Variants in MOB3B observed in about 807,000 individuals in gnomAD.
MOB3B encodes the protein MOB kinase activator 3B.
In MOB3B, 7 loss-of-function variants were observed where a neutral mutation model predicts 18.7. The observed-to-expected ratio is 0.37, with a 90% confidence interval of 0.21 to 0.70. MOB3B has a LOEUF of 0.70. Among genes scored for constraint, MOB3B ranks in the 30% least tolerant of loss-of-function variants. The pLI is 0.52. For missense variants in MOB3B, 253 were observed against 281.3 expected, an observed-to-expected ratio of 0.90 and a Z score of 0.72; for synonymous variants, 111 against 99.9, an observed-to-expected ratio of 1.11 and a Z score of -0.66.
rs186229664 is a variant in MOB3B, at chr9:27,330,513, G to A, written c.*74C>T. ...GAGTAGGTGTGTCATTTCAGCCAGGGTGGTCCACCTCCTGCCCGCTCAGGG... is the reference window on the plus strand; with the variant it reads ...GAGTAGGTGTGTCATTTCAGCCAGGATGGTCCACCTCCTGCCCGCTCAGGG... On this transcript the variant is annotated 3_prime_UTR_variant, in exon 4 of 4. Coordinates refer to ENST00000262244, the MANE Select transcript of MOB3B (RefSeq NM_024761.5). 3.1e-6 allele frequency: 5 copies of A among 1,604,712 alleles called. No individual in the cohort carries two copies. The highest frequency in any genetic ancestry group is 1.8e-4 in the Middle Eastern group (1 of 5,662).
In MOB3B at chr9:27,485,083, A is replaced by G. The variant is rs1022845597; in HGVS notation, c.-198-29335T>C. ...TGGCCAGATGGACAGTTTCAGCTGGATGTCTCAAGGGCATCCAGTCCATAT... is the reference window on the plus strand; with the variant it reads ...TGGCCAGATGGACAGTTTCAGCTGGGTGTCTCAAGGGCATCCAGTCCATAT... On this transcript the variant is annotated intron_variant, in intron 1 of 3. Transcript: ENST00000262244. 5.0e-4 allele frequency among the ~76,000 whole-genome samples: 76 copies of G among 152,326 alleles called. 1 individual carries two copies. The highest frequency in any genetic ancestry group is 1.8e-3 in the African/African-American group (76 of 41,572).
chr9:27,427,004 T>C (rs1822344582), intron 2 of MOB3B, among the ~76,000 whole-genome samples: 1 of 152,170 alleles, frequency 6.6e-6, no homozygotes, highest in Admixed American at 6.5e-5. Flanking sequence ...GGTGCCAATT[T>C]AGGAAGAGAA....
intron 2 of MOB3B, among the ~76,000 whole-genome samples, chr9:27,399,309 T>C (rs1001546253): frequency 2.0e-5 from 3 of 152,146 alleles, no homozygotes; most frequent in African/African-American, 7.2e-5. Context: ...GCAAATAGGC[T>C]ATTAAATAAA....
intron 2 of MOB3B, among the ~76,000 whole-genome samples, chr9:27,440,638 T>C (rs1703062137): frequency 6.6e-6 from 1 of 152,238 alleles, no homozygotes; most frequent in African/African-American, 2.4e-5. Context: ...AGATATTTTC[T>C]GTGTGTGTAT....
At chr9:27,386,742 G>A (rs984023912) in intron 2 of MOB3B, among the ~76,000 whole-genome samples, 1 of 152,204 alleles carries the variant, frequency 6.6e-6, no homozygotes, top group Non-Finnish European at 1.5e-5. Flanking sequence ...AGCACATCTT[G>A]AAGGAAAATG....
At chr9:27,512,221 A>G (rs1268491575) in intron 1 of MOB3B, among the ~76,000 whole-genome samples, 3 of 152,148 alleles carry the variant, frequency 2.0e-5, no homozygotes, top group African/African-American at 4.8e-5. Context: ...CTGGGTACAC[A>G]TGAGGAATGC....
Position 27,455,329 on chromosome 9 carries a change from GA to G in MOB3B, c.221del (p.Ile74ThrfsTer16). On this transcript the variant is annotated frameshift_variant, in exon 2 of 4. Transcript: ENST00000262244. LOFTEE classifies it high-confidence loss of function. The stretch of plus-strand genomic sequence containing the variant: ...TGCAGAACTCACAGATGGTGCCATA[GA>G]TGAGGTTGATCCGATTGAAGAAGTC... ...VVDFFNRINL[I>X]YGTICEFCTE... The G allele has an allele frequency of 6.2e-7, 1 of 1,614,126 alleles. No homozygotes were observed. Among genetic ancestry groups the G allele is most frequent in the Non-Finnish European group, 8.5e-7 (1 of 1,180,028 alleles).
rs985036115 is a variant in MOB3B at position 27,446,123 on chromosome 9, C to T, written c.418+9010G>A. Among the ~76,000 whole-genome samples, 7 of 152,148 alleles carry T rather than the reference C, an allele frequency of 4.6e-5. No homozygotes were observed. The South Asian group carries it at 1.4e-3, about 31-fold the overall frequency. On this transcript the variant is annotated intron_variant, in intron 2 of 3. Coordinates refer to ENST00000262244, the MANE Select transcript of MOB3B (RefSeq NM_024761.5). ...AGACACATCACTAAGGAGATATTCA[C>T]ATAATAAAAGGCCTCTTCGCCAAGT...
chr9:27,430,981 G>A (rs1033005947), intron 2 of MOB3B, among the ~76,000 whole-genome samples: 12 of 150,828 alleles, frequency 8.0e-5, no homozygotes, highest in South Asian at 6.3e-4. Context: ...AGACTTTAAA[G>A]CCCCAAGAAT....
intron 2 of MOB3B, among the ~76,000 whole-genome samples, chr9:27,360,161 G>C (rs1821252938): frequency 6.6e-6 from 1 of 152,150 alleles, no homozygotes; most frequent in African/African-American, 2.4e-5. Context: ...TTATTAAATT[G>C]ATAATGTCCT....
chr9:27,460,414 C>T (rs1209342238), intron 1 of MOB3B, among the ~76,000 whole-genome samples: 1 of 152,198 alleles, frequency 6.6e-6, no homozygotes, highest in Non-Finnish European at 1.5e-5. Flanking sequence ...GGAATGTTGA[C>T]AAGGTAGCTA....
At chr9:27,521,006 T>C (rs1451971670) in intron 1 of MOB3B, among the ~76,000 whole-genome samples, 4 of 152,162 alleles carry the variant, frequency 2.6e-5, no homozygotes, top group Non-Finnish European at 4.4e-5. Flanking sequence ...CAACCATCTT[T>C]CCTTCTTTGT....
At chr9:27,435,812 G>A (rs1822491942) in intron 2 of MOB3B, among the ~76,000 whole-genome samples, 1 of 152,072 alleles carries the variant, frequency 6.6e-6, no homozygotes, top group African/African-American at 2.4e-5. Flanking sequence ...TGTTGGCCAG[G>A]CTGGTCTTGA....
chr9:27,360,382 G>C (rs1037394354), intron 2 of MOB3B, among the ~76,000 whole-genome samples: 3 of 152,204 alleles, frequency 2.0e-5, no homozygotes, highest in Admixed American at 2.0e-4. Flanking sequence ...GCGTGCGCCT[G>C]TAATCCCAGC....
At chr9:27,352,371 CAA>C (rs372959856) in intron 3 of MOB3B, among the ~76,000 whole-genome samples, 62 of 68,330 alleles carry the variant, frequency 9.1e-4, no homozygotes, top group Middle Eastern at 8.1e-3. Flanking sequence ...GACCCTGTCT[CAA>C]AAAAAAAAAA....
chr9:27,424,879 G>A (rs1822304026), intron 2 of MOB3B, among the ~76,000 whole-genome samples: 1 of 152,174 alleles, frequency 6.6e-6, no homozygotes. Flanking sequence ...AAACTCTAGA[G>A]AGAAACCTTC....
chr9:27,380,057 C>A (rs1017570447), intron 2 of MOB3B, among the ~76,000 whole-genome samples: 4 of 152,050 alleles, frequency 2.6e-5, no homozygotes, highest in Non-Finnish European at 5.9e-5. Flanking sequence ...TCAGCAGAAC[C>A]CACCCACGCC....
intron 3 of MOB3B, among the ~76,000 whole-genome samples, chr9:27,357,146 G>A (rs200982773): frequency 0.013 from 635 of 47,876 alleles, 27 homozygotes; most frequent in African/African-American, 0.043. Context: ...ATATATATAT[G>A]TGTTTTTTTT....
intron 3 of MOB3B, among the ~76,000 whole-genome samples, chr9:27,357,588 G>A (rs1821210896): frequency 6.6e-6 from 1 of 151,978 alleles, no homozygotes; most frequent in Non-Finnish European, 1.5e-5. Context: ...TGAAAACCAT[G>A]GTGAAGGTTC....
Sources: allele counts gnomAD v4.1 joint callset (sites outside exome capture counted in the v4.1 genomes callset), GRCh38; gene constraint gnomAD v4.1.1; transcripts MANE v1.5; gene names NCBI Gene and HGNC (gene_info 2026-07-23, HGNC 2026-07-21).